Variants in ABLIM1 observed in about 807,000 individuals in gnomAD.
The protein encoded by ABLIM1 is actin-binding LIM protein 1.
ABLIM1 carries 40 observed loss-of-function variants against 107.0 expected under a neutral mutation model. The ratio of observed to expected loss-of-function variants is 0.37; its 90% CI spans 0.29 to 0.49. The LOEUF (loss-of-function observed/expected upper bound fraction) is 0.49, where lower values mean the gene tolerates loss of function less well. Among genes scored for constraint, ABLIM1 ranks in the 20% least tolerant of loss-of-function variants. The probability of loss-of-function intolerance (pLI) is 0.97; values close to 1 mark genes in which losing one functional copy is unlikely to be tolerated. For missense variants in ABLIM1, 857 were observed against 1,008.5 expected, an observed-to-expected ratio of 0.85 and a Z score of 2.04; for synonymous variants, 357 against 357.3, an observed-to-expected ratio of 1.00 and a Z score of 0.01.
At chr10:114,659,960 A>G (rs2079715588), upstream of ABLIM1, among the ~76,000 whole-genome samples, 1 of 152,194 alleles carries the variant, frequency 6.6e-6, no homozygotes. Context: ...TTCCTAATCT[A>G]TTGGCAACAC....
chr10:114,590,312 G>C (rs2074715482), intron 2 of ABLIM1, among the ~76,000 whole-genome samples: 1 of 152,110 alleles, frequency 6.6e-6, no homozygotes, highest in Non-Finnish European at 1.5e-5. Flanking sequence ...TTAAGAAGCT[G>C]GTTGAAAATG....
intron 6 of ABLIM1, among the ~76,000 whole-genome samples, chr10:114,529,981 C>T (rs1299110345): frequency 7.9e-5 from 12 of 152,078 alleles, no homozygotes; most frequent in Admixed American, 2.0e-4. Context: ...GATCTGAGAT[C>T]GTGCCATTGC....
rs202029400 is a variant in ABLIM1, at chr10:114,732,660, GT to G, written c.-213+35400del. ...CAAAGTCATAAAGATTTATACCTAT[GT>G]TTTTTTCTATCTCACTTACTTTTAG... On this transcript the variant is annotated intron_variant, in intron 1 of 15. Transcript: ENST00000651092. Among the ~76,000 whole-genome samples the G allele has an allele frequency of 1.2e-4, 18 of 151,962 alleles. No individual in the cohort carries two copies. In the East Asian group the frequency reaches 2.7e-3, roughly 23 times the overall value.
At chr10:114,778,729 A>G in the ABLIM1 span, 2 of 152,180 alleles carry the variant, frequency 1.3e-5, no homozygotes, top group Non-Finnish European at 2.9e-5. Context: ...TCATCTTTCC[A>G]GAGTGTTCAC....
At chr10:114,581,633 A>G (rs2073388617) in intron 2 of ABLIM1, among the ~76,000 whole-genome samples, 1 of 152,214 alleles carries the variant, frequency 6.6e-6, no homozygotes, top group Non-Finnish European at 1.5e-5. Flanking sequence ...GTTTTGAGCA[A>G]CATGAGCATT....
intron 1 of ABLIM1, among the ~76,000 whole-genome samples, chr10:114,613,934 A>G (rs1373184388): frequency 6.6e-6 from 1 of 152,140 alleles, no homozygotes; most frequent in Non-Finnish European, 1.5e-5. Flanking sequence ...GTGACAAGGG[A>G]GCATAACCCT....
intron 2 of ABLIM1, among the ~76,000 whole-genome samples, chr10:114,596,666 G>A (rs77280902): frequency 0.017 from 2,616 of 152,268 alleles, 58 homozygotes; most frequent in African/African-American, 0.051. Context: ...GTGAAGTTAT[G>A]GGGTCTGAAA....
In ABLIM1 at chr10:114,450,258, G is replaced by A. The variant is rs112656875; in HGVS notation, c.1594+1366C>T. ...ATGTTAACAAACTTAAAAAGCAAGCGTATGGTTTAAAACCTCAAAAAAAAA... is the reference window on the plus strand; with the variant it reads ...ATGTTAACAAACTTAAAAAGCAAGCATATGGTTTAAAACCTCAAAAAAAAA... On this transcript the variant is annotated intron_variant, in intron 14 of 22. Transcript: ENST00000533213. 1,151 of 177,850 alleles carry A rather than the reference G, an allele frequency of 6.5e-3. 5 individuals are homozygous for A. Among genetic ancestry groups the A allele is most frequent in the African/African-American group, 0.011 (430 of 40,506 alleles). 11.0% of individuals were successfully genotyped at this position (177,850 alleles called of 1,614,324 possible). A position where few individuals can be genotyped will look rare whatever the true frequency, so the allele number is the denominator to read the frequency against.
chr10:114,660,615 A>ATAAACATC (rs1475847494), upstream of ABLIM1, among the ~76,000 whole-genome samples: 2 of 152,192 alleles, frequency 1.3e-5, no homozygotes, highest in Non-Finnish European at 2.9e-5. Flanking sequence ...GTGTTTTGTA[A>ATAAACATC]TAAACATCGT....
At chr10:114,637,125 TC>T (rs2078522843) in intron 1 of ABLIM1, among the ~76,000 whole-genome samples, 1 of 149,904 alleles carries the variant, frequency 6.7e-6, no homozygotes, top group Non-Finnish European at 1.5e-5. Context: ...AGACACCTGG[TC>T]CCCACCTCAG....
Position 114,658,154 on chromosome 10 carries a change from G to A in ABLIM1, c.47C>T (p.Ser16Phe), listed in dbSNP as rs1468554859. 2.5e-6 allele frequency: 4 copies of A among 1,613,758 alleles called. No individual in the cohort carries two copies. In the African/African-American group the frequency reaches 5.3e-5, roughly 22 times the overall value. Residue 16 changes from serine to phenylalanine, a missense_variant, in exon 1 of 23, where the codon TCT becomes TTT. Transcript: ENST00000533213. ...AGATGAGGTGACTTTGCTTTTCTCA[G>A]AGCTGCACAATTTCCCCAGACACTT... ...GLKCLGKLCS[S>F]EKSKVTSSER... is the part of the protein sequence containing the mutation.
chr10:114,665,541 A>G (rs1025046058), intron 1 of ABLIM1, among the ~76,000 whole-genome samples: 7 of 152,270 alleles, frequency 4.6e-5, no homozygotes, highest in African/African-American at 1.7e-4. Context: ...TTCCACATAT[A>G]AACAACTCTA....
At chr10:114,708,275 T>A (rs2081468795) in intron 1 of ABLIM1, among the ~76,000 whole-genome samples, 1 of 152,154 alleles carries the variant, frequency 6.6e-6, no homozygotes, top group African/African-American at 2.4e-5. Context: ...GATGGCAACA[T>A]AGCTACACCC....
intron 1 of ABLIM1, among the ~76,000 whole-genome samples, chr10:114,733,584 G>T (rs904785948): frequency 6.6e-6 from 1 of 152,096 alleles, no homozygotes; most frequent in African/African-American, 2.4e-5. Context: ...CCTTCAAGAT[G>T]TCACACCCCA....
intron 1 of ABLIM1, among the ~76,000 whole-genome samples, chr10:114,609,536 C>G (rs2076664546): frequency 6.6e-6 from 1 of 152,134 alleles, no homozygotes; most frequent in South Asian, 2.1e-4. Flanking sequence ...TAATCCTGGC[C>G]CTACAAAACT....
chr10:114,482,102 C>T (rs2057459390), intron 8 of ABLIM1, among the ~76,000 whole-genome samples: 2 of 152,106 alleles, frequency 1.3e-5, no homozygotes, highest in Non-Finnish European at 1.5e-5. Context: ...AGTGACACCC[C>T]CCAGATTATT....
intron 1 of ABLIM1, among the ~76,000 whole-genome samples, chr10:114,617,694 T>G (rs1229860555): frequency 6.6e-6 from 1 of 152,196 alleles, no homozygotes; most frequent in African/African-American, 2.4e-5. Context: ...TCATTAACAT[T>G]TATTGAGCAC....
At chr10:114,642,899 G>A (rs138646310) in intron 1 of ABLIM1, among the ~76,000 whole-genome samples, 1 of 152,292 alleles carries the variant, frequency 6.6e-6, no homozygotes, top group Non-Finnish European at 1.5e-5. Context: ...TGGATGTCTT[G>A]AGGGAAAGAA....
chr10:114,474,041 CTCAGCTAGTG>C, intron 8 of ABLIM1, 85 bp from the exon 9 acceptor site: 1 of 996,674 alleles, frequency 1.0e-6, no homozygotes. Context: ...TTACTAAAAA[CTCAGCTAGTG>C]AAAAAAAGAA....
Sources: allele counts gnomAD v4.1 joint callset (sites outside exome capture counted in the v4.1 genomes callset), GRCh38; gene constraint gnomAD v4.1.1; transcripts MANE v1.5; gene names NCBI Gene and HGNC (gene_info 2026-07-23, HGNC 2026-07-21).